CRPPA: variants seen among roughly 807,000 people sequenced by gnomAD.
The protein encoded by CRPPA is D-ribitol-5-phosphate cytidylyltransferase.
In CRPPA, 43 loss-of-function variants were observed where a neutral mutation model predicts 52.0. That is an observed-to-expected ratio of 0.83 (90% CI 0.65 to 1.07). The LOEUF (loss-of-function observed/expected upper bound fraction) is 1.07, where lower values mean the gene tolerates loss of function less well. Ranked by LOEUF, CRPPA falls within the 50% of genes least tolerant of loss-of-function variation. The probability of loss-of-function intolerance (pLI) is 0.00; values close to 1 mark genes in which losing one functional copy is unlikely to be tolerated. For synonymous variants in CRPPA, 250 were observed against 203.5 expected (o/e 1.23, Z -1.94); for missense variants, 629 against 551.7 (o/e 1.14, Z -1.40).
chr7:16,118,737 T>G (rs1782427266), intron 9 of CRPPA, among the ~76,000 whole-genome samples: 1 of 152,216 alleles, frequency 6.6e-6, no homozygotes, highest in Non-Finnish European at 1.5e-5. Context: ...AGGCATTGCT[T>G]TCTACCATGT....
chr7:16,092,434 T>G (rs550343232), intron 9 of CRPPA, among the ~76,000 whole-genome samples: 7 of 152,316 alleles, frequency 4.6e-5, no homozygotes, highest in African/African-American at 1.4e-4. Flanking sequence ...AAAAGAGGGA[T>G]GTGGTAACCA....
intron 9 of CRPPA, among the ~76,000 whole-genome samples, chr7:16,167,808 C>T (rs1781098505): frequency 6.6e-6 from 1 of 152,214 alleles, no homozygotes; most frequent in Non-Finnish European, 1.5e-5. Flanking sequence ...TAGTTAATCC[C>T]TATCAATCTA....
At chr7:16,409,796 TAAG>T (rs1788035473) in intron 1 of CRPPA, among the ~76,000 whole-genome samples, 1 of 152,174 alleles carries the variant, frequency 6.6e-6, no homozygotes, top group Non-Finnish European at 1.5e-5. Flanking sequence ...AATGAAGCAA[TAAG>T]AAATTTTTAC....
At chr7:16,381,938 T>G (rs940627337) in intron 2 of CRPPA, among the ~76,000 whole-genome samples, 1 of 152,180 alleles carries the variant, frequency 6.6e-6, no homozygotes, top group African/African-American at 2.4e-5. Flanking sequence ...GTCTTCACTC[T>G]TTATCCAATT....
At chr7:16,165,619 T>C (rs1436608348) in intron 9 of CRPPA, among the ~76,000 whole-genome samples, 1 of 152,258 alleles carries the variant, frequency 6.6e-6, no homozygotes, top group East Asian at 1.9e-4. Context: ...CATTGTCAGA[T>C]GGAACCCACA....
At chr7:16,377,894 C>T (rs1168004827) in intron 2 of CRPPA, among the ~76,000 whole-genome samples, 1 of 152,090 alleles carries the variant, frequency 6.6e-6, no homozygotes, top group Non-Finnish European at 1.5e-5. Flanking sequence ...CACATAGTTC[C>T]CACCCATGCC....
chr7:16,312,082 C>T (rs1320124802), intron 3 of CRPPA, among the ~76,000 whole-genome samples: 1 of 151,944 alleles, frequency 6.6e-6, no homozygotes, highest in Non-Finnish European at 1.5e-5. Flanking sequence ...TCTTTGCTTT[C>T]AATATTGTGT....
chr7:16,251,976 C>T (rs1173338080), intron 8 of CRPPA, among the ~76,000 whole-genome samples: 5 of 151,882 alleles, frequency 3.3e-5, no homozygotes, highest in African/African-American at 1.2e-4. Context: ...ATAGACAGAC[C>T]GCTAGCCAGA....
intron 9 of CRPPA, among the ~76,000 whole-genome samples, chr7:16,105,575 T>G (rs1221102836): frequency 1.3e-5 from 2 of 152,156 alleles, no homozygotes; most frequent in Admixed American, 1.3e-4. Flanking sequence ...GAGGTCCTAG[T>G]GATCATGTCA....
chr7:16,095,305 C>T (rs1781914830), intron 9 of CRPPA, among the ~76,000 whole-genome samples: 1 of 152,120 alleles, frequency 6.6e-6, no homozygotes, highest in Non-Finnish European at 1.5e-5. Flanking sequence ...CAGATTGCTG[C>T]TATTTATATA....
intron 9 of CRPPA, among the ~76,000 whole-genome samples, chr7:16,173,280 T>C (rs1527200): frequency 0.32 from 48,738 of 152,028 alleles, 9,337 homozygotes; most frequent in South Asian, 0.54. Context: ...AATATGCTAA[T>C]TGGTATTCTG....
chr7:16,378,525 G>C (rs1367308773), intron 2 of CRPPA, among the ~76,000 whole-genome samples: 1 of 151,890 alleles, frequency 6.6e-6, no homozygotes, highest in African/African-American at 2.4e-5. Context: ...GGACATTTGG[G>C]TTGGTTCCAA....
intron 9 of CRPPA, among the ~76,000 whole-genome samples, chr7:16,118,840 A>G (rs1254902428): frequency 1.3e-5 from 2 of 152,196 alleles, no homozygotes; most frequent in African/African-American, 4.8e-5. Flanking sequence ...TTTTTAAGAC[A>G]TTGATTATTC....
At chr7:16,332,775 G>C (rs1785584271) in intron 3 of CRPPA, among the ~76,000 whole-genome samples, 1 of 152,040 alleles carries the variant, frequency 6.6e-6, no homozygotes, top group Non-Finnish European at 1.5e-5. Flanking sequence ...TAAAAATGTA[G>C]TCAATATTAA....
At chr7:16,409,740 C>T (rs779275520) in intron 1 of CRPPA, among the ~76,000 whole-genome samples, 2 of 152,196 alleles carry the variant, frequency 1.3e-5, no homozygotes, top group African/African-American at 2.4e-5. Context: ...TCCGAATATA[C>T]AAAGACATTA....
chr7:16,398,796 T>G (rs1216186465), intron 2 of CRPPA, among the ~76,000 whole-genome samples: 1 of 152,148 alleles, frequency 6.6e-6, no homozygotes, highest in Non-Finnish European at 1.5e-5. Flanking sequence ...TGACACGTGA[T>G]TAACATGATT....
At chr7:16,178,981 C>T (rs1395219038) in intron 9 of CRPPA, among the ~76,000 whole-genome samples, 1 of 152,014 alleles carries the variant, frequency 6.6e-6, no homozygotes, top group Non-Finnish European at 1.5e-5. Context: ...AGAAATAGAG[C>T]AAACTGTGTA....
rs1004307528 is a variant in CRPPA, at chr7:16,089,304, A to G, written c.*2391T>C. ...TGTGTATGCGTACGTATATACATAT[A>G]TGTGTGTATGCGTACGTATATAAAT... is the stretch of plus-strand genomic sequence containing the variant. On this transcript the variant is annotated 3_prime_UTR_variant, in exon 10 of 10. Transcript: ENST00000407010. 6 of 396,840 alleles carry G rather than the reference A, an allele frequency of 1.5e-5. No homozygotes were observed. Among genetic ancestry groups the G allele is most frequent in the Admixed American group, 2.5e-5 (1 of 40,680 alleles). 24.6% of individuals were successfully genotyped at this position (396,840 alleles called of 1,614,324 possible). A position where few individuals can be genotyped will look rare whatever the true frequency, so the allele number is the denominator to read the frequency against.
intron 8 of CRPPA, among the ~76,000 whole-genome samples, chr7:16,249,127 C>A (rs1370583891): frequency 1.9e-4 from 29 of 152,110 alleles, no homozygotes; most frequent in Admixed American, 1.9e-3. Flanking sequence ...CTGGATGCAA[C>A]CCACCAGAGC....
Sources: allele counts gnomAD v4.1 joint callset (sites outside exome capture counted in the v4.1 genomes callset), GRCh38; gene constraint gnomAD v4.1.1; transcripts MANE v1.5; gene names NCBI Gene and HGNC (gene_info 2026-07-23, HGNC 2026-07-21).